The following GPR89B variants were observed in gnomAD, a reference collection of about 807,000 sequenced individuals.
GPR89B encodes the protein G protein-coupled receptor 89B.
GPR89B carries 25 observed loss-of-function variants against 52.4 expected under a neutral mutation model. That is an observed-to-expected ratio of 0.48 (90% CI 0.35 to 0.67). GPR89B has a LOEUF of 0.67. GPR89B is among the 30% of genes least tolerant of loss of function. GPR89B has a pLI of 0.01. For synonymous variants in GPR89B, 52 were observed against 151.2 expected, an observed-to-expected ratio of 0.34 and a Z score of 4.81; for missense variants, 146 against 450.2, an observed-to-expected ratio of 0.32 and a Z score of 6.11.
chr1:148,020,961 T>A, the GPR89B span, among the ~76,000 whole-genome samples: 2 of 151,390 alleles, frequency 1.3e-5, no homozygotes, highest in Non-Finnish European at 2.9e-5. Flanking sequence ...GTGGTGGGAT[T>A]ACAGGCGTGA....
intron 7 of GPR89B, among the ~76,000 whole-genome samples, chr1:147,959,847 A>G (rs1656401515): frequency 6.6e-6 from 1 of 151,500 alleles, no homozygotes; most frequent in Non-Finnish European, 1.5e-5. Flanking sequence ...GCATTTTCTG[A>G]GCTATGTGCA....
the GPR89B span, chr1:148,011,474 C>G: frequency 6.6e-6 from 1 of 152,194 alleles, no homozygotes; most frequent in Non-Finnish European, 1.5e-5. Flanking sequence ...TGGACTTTCC[C>G]CTACCTTAGG....
the GPR89B span, among the ~76,000 whole-genome samples, chr1:148,015,986 C>T: frequency 1.3e-5 from 2 of 151,654 alleles, no homozygotes; most frequent in African/African-American, 4.9e-5. Flanking sequence ...TAAACCTCGC[C>T]TTCTGGCCTT....
the GPR89B span, among the ~76,000 whole-genome samples, chr1:148,007,067 G>A: frequency 2.4e-4 from 35 of 148,340 alleles, no homozygotes; most frequent in African/African-American, 8.5e-4. Context: ...CACTATCGTT[G>A]CATTTTTGGC....
At chr1:147,964,999 T>C (rs1656930527) in intron 7 of GPR89B, among the ~76,000 whole-genome samples, 1 of 151,874 alleles carries the variant, frequency 6.6e-6, no homozygotes, top group Non-Finnish European at 1.5e-5. Context: ...TTTTCAACTA[T>C]GAAAATATAA....
At chr1:147,938,890 T>G (rs1387474605) in intron 3 of GPR89B, 73 bp downstream of exon 3, 46 of 1,545,816 alleles carry the variant, frequency 3.0e-5, no homozygotes, top group Non-Finnish European at 3.8e-5. Context: ...AGCTATTGGA[T>G]CTCATAACTG....
chr1:147,986,724 T>A (rs1179131002), intron 11 of GPR89B, among the ~76,000 whole-genome samples: 380 of 152,016 alleles, frequency 2.5e-3, no homozygotes, highest in Non-Finnish European at 2.7e-3. Context: ...GTGTTCTGTG[T>A]TAGAGCTGAA....
At chr1:148,013,185 A>G in the GPR89B span, among the ~76,000 whole-genome samples, 11 of 152,098 alleles carry the variant, frequency 7.2e-5, no homozygotes, top group Admixed American at 2.0e-4. Context: ...AAAGGAAGAT[A>G]GGCATTCAAG....
At chr1:147,997,645 C>A (rs1158738567), downstream of GPR89B, among the ~76,000 whole-genome samples, 2 of 152,148 alleles carry the variant, frequency 1.3e-5, no homozygotes, top group Non-Finnish European at 2.9e-5. Context: ...CATAATCACA[C>A]AAGCCAATTC....
intron 10 of GPR89B, among the ~76,000 whole-genome samples, chr1:147,981,948 G>A (rs1480113707): frequency 2.0e-5 from 3 of 151,832 alleles, no homozygotes; most frequent in Admixed American, 6.6e-5. Context: ...CACCATGCCC[G>A]GCCTCGTGTA....
At chr1:147,979,759 A>G (rs1349131532) in intron 10 of GPR89B, among the ~76,000 whole-genome samples, 2 of 151,812 alleles carry the variant, frequency 1.3e-5, no homozygotes, top group Admixed American at 6.6e-5. Context: ...TCATTTTTCT[A>G]TTTTGTTAGA....
At chr1:147,935,516 G>A (rs150404436) in intron 1 of GPR89B, among the ~76,000 whole-genome samples, 3,331 of 152,242 alleles carry the variant, frequency 0.022, 57 homozygotes, top group Non-Finnish European at 0.035. Context: ...TGTGGCTACG[G>A]TCTCTGCCAG....
chr1:147,966,589 G>GGGAA lies in GPR89B; in HGVS notation c.655_658dup (p.Val220GlyfsTer4), dbSNP rs1175869463. ...GCACGGAGAACAATGTTCCAGAAGG[G>GGGAA]GGAAGTGCATAACAAACCATCAGGT... On this transcript the variant is annotated frameshift_variant, in exon 8 of 14. Transcript: ENST00000314163. LOFTEE classifies it high-confidence loss of function. 6.1e-6 allele frequency: 2 copies of GGGAA among 325,526 alleles called. No homozygotes were observed. The highest frequency in any genetic ancestry group is 8.8e-5 in the East Asian group (2 of 22,808). 20.2% of individuals were successfully genotyped at this position (325,526 alleles called of 1,614,324 possible). A position where few individuals can be genotyped will look rare whatever the true frequency, so the allele number is the denominator to read the frequency against.
intron 11 of GPR89B, 80 bp downstream of exon 11, chr1:147,986,374 G>A: frequency 1.3e-6 from 2 of 1,589,626 alleles, no homozygotes; most frequent in South Asian, 1.1e-5. Flanking sequence ...ATTCTAATTT[G>A]TATACTTTAG....
At chr1:147,965,777 C>T (rs1386088807) in intron 7 of GPR89B, among the ~76,000 whole-genome samples, 1 of 152,022 alleles carries the variant, frequency 6.6e-6, no homozygotes, top group African/African-American at 2.4e-5. Context: ...AGGAAGAAAA[C>T]ATGTATTGCG....
the GPR89B span, chr1:148,014,962 G>A: frequency 7.3e-5 from 11 of 151,458 alleles, no homozygotes; most frequent in African/African-American, 2.7e-4. Flanking sequence ...GTTTTCCGAG[G>A]CTTTGGAACC....
At chr1:148,023,279 T>G in the GPR89B span, among the ~76,000 whole-genome samples, 16 of 146,490 alleles carry the variant, frequency 1.1e-4, no homozygotes, top group Non-Finnish European at 1.8e-4. Flanking sequence ...ATTTCATTCT[T>G]TTTTATGGGT....
downstream of GPR89B, chr1:147,995,520 A>T (rs1433280130): frequency 9.4e-6 from 14 of 1,486,476 alleles, no homozygotes; most frequent in East Asian, 3.0e-4. Context: ...GCAAACATAG[A>T]CATTAAATAT....
At chr1:147,980,625 G>A (rs1472823624) in intron 10 of GPR89B, among the ~76,000 whole-genome samples, 1 of 146,810 alleles carries the variant, frequency 6.8e-6, no homozygotes, top group Admixed American at 6.8e-5. Flanking sequence ...TATATTCATA[G>A]TTTTATAACC....
Sources: gnomAD v4.1 joint callset for allele counts (sites outside exome capture counted in the v4.1 genomes callset) on GRCh38, gnomAD v4.1.1 for gene constraint, MANE v1.5 for transcripts, NCBI Gene and HGNC (gene_info 2026-07-23, HGNC 2026-07-21) for gene names.